Variants in GALNT13 observed in about 807,000 individuals in gnomAD.
GALNT13 encodes UDP-GalNAc:polypeptide N-acetylgalactosaminyltransferase 13.
A neutral mutation model predicts 64.2 loss-of-function variants in GALNT13; 28 were observed. That is an observed-to-expected ratio of 0.44 (90% CI 0.32 to 0.60). GALNT13 has a LOEUF of 0.60. Ranked by LOEUF, GALNT13 falls within the 20% of genes least tolerant of loss-of-function variation. The pLI is 0.05. For synonymous variants in GALNT13, 214 were observed against 224.6 expected (o/e 0.95, Z 0.42); for missense variants, 577 against 669.8 (o/e 0.86, Z 1.53).
the GALNT13 span, among the ~76,000 whole-genome samples, chr2:153,405,827 C>T: frequency 6.6e-6 from 1 of 152,102 alleles, no homozygotes; most frequent in Non-Finnish European, 1.5e-5. Context: ...ATATGAACTG[C>T]CCTGCCTAGA....
At chr2:154,323,782 G>A (rs1006140293) in intron 9 of GALNT13, among the ~76,000 whole-genome samples, 10 of 148,118 alleles carry the variant, frequency 6.8e-5, no homozygotes, top group Non-Finnish European at 1.4e-4. Flanking sequence ...TCTGTGTTCA[G>A]GCACTATTCT....
At chr2:153,916,365 C>T (rs1689347243) in intron 2 of GALNT13, among the ~76,000 whole-genome samples, 1 of 151,986 alleles carries the variant, frequency 6.6e-6, no homozygotes, top group Admixed American at 6.6e-5. Flanking sequence ...CTATGTTGCC[C>T]AGGCTGGTCT....
intron 3 of GALNT13, among the ~76,000 whole-genome samples, chr2:154,113,292 GGAT>G (rs1180829536): frequency 1.1e-4 from 16 of 152,198 alleles, no homozygotes; most frequent in African/African-American, 3.9e-4. Context: ...GGGATCTGCT[GGAT>G]GATATGGCCC....
At chr2:153,713,653 TTTTTA>T in the GALNT13 span, among the ~76,000 whole-genome samples, 1 of 152,194 alleles carries the variant, frequency 6.6e-6, no homozygotes, top group African/African-American at 2.4e-5. Flanking sequence ...CAGCTAACTT[TTTTTA>T]TTTTAAGTAG....
At chr2:154,299,885 A>G (rs1361339503) in intron 8 of GALNT13, among the ~76,000 whole-genome samples, 1 of 151,822 alleles carries the variant, frequency 6.6e-6, no homozygotes, top group Non-Finnish European at 1.5e-5. Context: ...TGCTAGCATT[A>G]CACTGTTTAA....
chr2:153,256,256 C>T, the GALNT13 span, among the ~76,000 whole-genome samples: 1 of 151,918 alleles, frequency 6.6e-6, no homozygotes, highest in Non-Finnish European at 1.5e-5. Flanking sequence ...CAGTTGATCG[C>T]ATCAGCTCCT....
chr2:153,938,628 C>T (rs920976190), intron 2 of GALNT13, among the ~76,000 whole-genome samples: 1 of 152,130 alleles, frequency 6.6e-6, no homozygotes, highest in African/African-American at 2.4e-5. Context: ...AATATATTTT[C>T]TCTCACATTT....
At chr2:153,946,809 T>C (rs953497118) in intron 3 of GALNT13, among the ~76,000 whole-genome samples, 1 of 152,132 alleles carries the variant, frequency 6.6e-6, no homozygotes, top group African/African-American at 2.4e-5. Flanking sequence ...ATTAATACTA[T>C]TTGTCTGGAA....
At chr2:154,346,546 G>A (rs1213060497) in intron 9 of GALNT13, among the ~76,000 whole-genome samples, 1 of 152,010 alleles carries the variant, frequency 6.6e-6, no homozygotes, top group African/African-American at 2.4e-5. Flanking sequence ...TTTATAAGGA[G>A]TTTCCTCTTT....
the GALNT13 span, among the ~76,000 whole-genome samples, chr2:153,672,515 G>A: frequency 3.9e-5 from 6 of 152,042 alleles, no homozygotes; most frequent in Non-Finnish European, 8.8e-5. Flanking sequence ...GAGAACAAAG[G>A]CACAACATAC....
At chr2:153,441,274 T>G in the GALNT13 span, among the ~76,000 whole-genome samples, 1 of 152,208 alleles carries the variant, frequency 6.6e-6, no homozygotes, top group Non-Finnish European at 1.5e-5. Context: ...GTGGCATTAT[T>G]ACTGAGACCT....
chr2:154,118,468 C>CA (rs1681733877), intron 3 of GALNT13, among the ~76,000 whole-genome samples: 3 of 151,828 alleles, frequency 2.0e-5, no homozygotes, highest in South Asian at 4.2e-4. Context: ...TTAATCCATT[C>CA]AGTAACTCTA....
the GALNT13 span, among the ~76,000 whole-genome samples, chr2:153,282,680 T>C: frequency 6.6e-6 from 1 of 152,178 alleles, no homozygotes; most frequent in African/African-American, 2.4e-5. Flanking sequence ...CCTCCCAAAC[T>C]GTTAGAATTA....
intron 3 of GALNT13, among the ~76,000 whole-genome samples, chr2:154,104,683 C>G (rs1259156843): frequency 1.3e-5 from 2 of 152,194 alleles, no homozygotes; most frequent in Non-Finnish European, 2.9e-5. Context: ...TGGCACATGC[C>G]ATACACTAGA....
chr2:154,393,984 A>G (rs1698929286), intron 9 of GALNT13, among the ~76,000 whole-genome samples: 1 of 140,396 alleles, frequency 7.1e-6, no homozygotes, highest in South Asian at 2.4e-4. Context: ...AGGCTGAGGC[A>G]GGAGAATGGC....
At chr2:154,160,910 A>T (rs1366639435) in intron 4 of GALNT13, among the ~76,000 whole-genome samples, 1 of 152,206 alleles carries the variant, frequency 6.6e-6, no homozygotes, top group Non-Finnish European at 1.5e-5. Flanking sequence ...CAGTACTGCT[A>T]TCTTTCCAAT....
chr2:153,441,803 C>A, the GALNT13 span, among the ~76,000 whole-genome samples: 19 of 152,080 alleles, frequency 1.2e-4, no homozygotes, highest in African/African-American at 4.1e-4. Context: ...ATTTTGTATC[C>A]TGAGACTTTG....
At chr2:153,449,335 C>G in the GALNT13 span, among the ~76,000 whole-genome samples, 5 of 152,062 alleles carry the variant, frequency 3.3e-5, no homozygotes, top group Non-Finnish European at 7.4e-5. Context: ...TACTTCTCAC[C>G]ATTTCCTTCT....
At chr2:153,229,872 G>C in the GALNT13 span, among the ~76,000 whole-genome samples, 31 of 152,254 alleles carry the variant, frequency 2.0e-4, no homozygotes, top group South Asian at 8.3e-4. Flanking sequence ...ACTCTTACAG[G>C]GAAGAGAGCA....
Sources: gnomAD v4.1 joint callset for allele counts (sites outside exome capture counted in the v4.1 genomes callset) on GRCh38, gnomAD v4.1.1 for gene constraint, MANE v1.5 for transcripts, NCBI Gene and HGNC (gene_info 2026-07-23, HGNC 2026-07-21) for gene names.